Variants in ITPR2 observed in about 807,000 individuals in gnomAD.
ITPR2 encodes inositol 1,4,5-trisphosphate-gated calcium channel ITPR2.
In ITPR2, 207 loss-of-function variants were observed where a neutral mutation model predicts 317.1. That is an observed-to-expected ratio of 0.65 (90% CI 0.58 to 0.73). The LOEUF is 0.73. Ranked by LOEUF, ITPR2 falls within the 30% of genes least tolerant of loss-of-function variation. ITPR2 has a pLI of 0.00. For synonymous variants in ITPR2, 1,156 were observed against 1,149.1 expected (o/e 1.01, Z -0.12); for missense variants, 2,613 against 3,284.0 (o/e 0.80, Z 4.99).
chr12:26,363,852 G>A (rs753492907), intron 55 of ITPR2, among the ~76,000 whole-genome samples: 2 of 152,150 alleles, frequency 1.3e-5, no homozygotes, highest in African/African-American at 2.4e-5. Flanking sequence ...CTCGACTCAT[G>A]ATAAAGGAAA....
chr12:26,781,662 T>C (rs959733463), intron 2 of ITPR2, among the ~76,000 whole-genome samples: 1 of 152,040 alleles, frequency 6.6e-6, no homozygotes, highest in African/African-American at 2.4e-5. Context: ...TCAACTTGAT[T>C]GGATTAAAGT....
At chr12:26,445,343 G>C (rs1941583705) in intron 45 of ITPR2, among the ~76,000 whole-genome samples, 1 of 152,146 alleles carries the variant, frequency 6.6e-6, no homozygotes, top group Non-Finnish European at 1.5e-5. Flanking sequence ...GTCAGTGCTG[G>C]AGCTGTGCAT....
intron 1 of ITPR2, among the ~76,000 whole-genome samples, chr12:26,796,994 G>A (rs916146397): frequency 6.6e-6 from 1 of 152,000 alleles, no homozygotes; most frequent in Admixed American, 6.6e-5. Flanking sequence ...CTGATATCAC[G>A]CCACTGCCCT....
At chr12:26,495,952 T>C (rs957348364) in intron 37 of ITPR2, among the ~76,000 whole-genome samples, 18 of 152,352 alleles carry the variant, frequency 1.2e-4, no homozygotes, top group South Asian at 2.1e-4. Context: ...AGTGTATTCC[T>C]TTACAAATTA....
At chr12:26,340,549 G>C (rs539157861) in intron 55 of ITPR2, among the ~76,000 whole-genome samples, 1 of 152,154 alleles carries the variant, frequency 6.6e-6, no homozygotes, top group Admixed American at 6.5e-5. Flanking sequence ...GGGCTTCCAG[G>C]GAGGTTCCGG....
chr12:26,583,866 C>T (rs1360391759), intron 32 of ITPR2, among the ~76,000 whole-genome samples: 2 of 152,004 alleles, frequency 1.3e-5, no homozygotes, highest in Admixed American at 6.6e-5. Flanking sequence ...ACAACCAAGT[C>T]GACCATCACT....
intron 37 of ITPR2, among the ~76,000 whole-genome samples, chr12:26,544,567 GAC>G (rs35479352): frequency 3.7e-4 from 55 of 147,836 alleles, no homozygotes; most frequent in South Asian, 6.4e-4. Context: ...TTCACACATA[GAC>G]ACACACACAC....
intron 37 of ITPR2, among the ~76,000 whole-genome samples, chr12:26,527,284 T>C (rs1030501557): frequency 3.3e-5 from 5 of 152,246 alleles, no homozygotes; most frequent in Non-Finnish European, 7.3e-5. Flanking sequence ...AGACAACTTA[T>C]ACTTCTTGGT....
chr12:26,414,017 T>G (rs911606674), intron 51 of ITPR2, among the ~76,000 whole-genome samples: 1 of 146,198 alleles, frequency 6.8e-6, no homozygotes. Flanking sequence ...AATGTGGAGG[T>G]TTTGGGAAGC....
intron 42 of ITPR2, 126 bp from the exon 43 acceptor site, chr12:26,481,367 T>C (rs754414083): frequency 5.1e-5 from 30 of 591,692 alleles, no homozygotes; most frequent in Middle Eastern, 4.0e-4. Flanking sequence ...GATTTACCTT[T>C]GAGCATTTGA....
intron 47 of ITPR2, among the ~76,000 whole-genome samples, chr12:26,438,590 G>A (rs1451278353): frequency 6.6e-6 from 1 of 152,194 alleles, no homozygotes; most frequent in African/African-American, 2.4e-5. Context: ...ACTGTACTAA[G>A]CTGATTTTTA....
At chr12:26,341,712 T>G (rs1938118773) in intron 55 of ITPR2, among the ~76,000 whole-genome samples, 1 of 152,244 alleles carries the variant, frequency 6.6e-6, no homozygotes, top group African/African-American at 2.4e-5. Flanking sequence ...AGTCAATCCT[T>G]CAGCATCTAT....
chr12:26,422,017 G>GC (rs1555123338), intron 49 of ITPR2, among the ~76,000 whole-genome samples: 1 of 150,860 alleles, frequency 6.6e-6, no homozygotes, highest in Non-Finnish European at 1.5e-5. Context: ...ATGTTTGTTT[G>GC]TTAATTAGTG....
intron 45 of ITPR2, among the ~76,000 whole-genome samples, chr12:26,454,609 A>G (rs936114337): frequency 6.7e-6 from 1 of 149,440 alleles, no homozygotes; most frequent in Non-Finnish European, 1.5e-5. Context: ...GTTTCTGGTG[A>G]TTTTTTTTTT....
Position 26,715,429 on chromosome 12 carries a change from A to C in ITPR2, c.725T>G (p.Leu242Ter). The change falls in exon 8 of 57, where the codon TTA (leucine) becomes TGA (stop). Residue 242 changes from leucine to a stop codon, truncating the protein, a stop_gained. Transcript: ENST00000381340. LOFTEE classifies it high-confidence loss of function. ...AAACTTCTCTTGTTCCGCATGAAAT[A>C]ATCTAACAACGTCCCCCTAGCAAAA... ...DVLKGGDVVR[L>*]FHAEQEKFLT... is the part of the protein sequence containing the mutation. The C allele has an allele frequency of 6.2e-7, 1 of 1,613,178 alleles. No homozygotes were observed. The highest frequency in any genetic ancestry group is 8.5e-7 in the Non-Finnish European group (1 of 1,179,502).
At chr12:26,427,701 TACTTCTTA>T (rs1941102051) in intron 49 of ITPR2, among the ~76,000 whole-genome samples, 2 of 152,180 alleles carry the variant, frequency 1.3e-5, no homozygotes, top group South Asian at 4.1e-4. Context: ...CCCCAAATGT[TACTTCTTA>T]AATATAGCAA....
At chr12:26,811,982 C>T (rs190161076) in intron 1 of ITPR2, among the ~76,000 whole-genome samples, 1 of 150,676 alleles carries the variant, frequency 6.6e-6, no homozygotes, top group Admixed American at 6.6e-5. Flanking sequence ...GCCAACATGG[C>T]GAATCCCCAT....
intron 55 of ITPR2, among the ~76,000 whole-genome samples, chr12:26,371,622 G>A (rs917796384): frequency 6.6e-6 from 1 of 152,220 alleles, no homozygotes; most frequent in Admixed American, 6.5e-5. Context: ...CAGGTGAAGG[G>A]AACAGCAGAA....
At chr12:26,517,592 C>T (rs1943557734) in intron 37 of ITPR2, among the ~76,000 whole-genome samples, 1 of 152,332 alleles carries the variant, frequency 6.6e-6, no homozygotes, top group East Asian at 1.9e-4. Context: ...AATCCTAGCA[C>T]TTTGGGAGGC....
Sources: gnomAD v4.1 joint callset for allele counts (sites outside exome capture counted in the v4.1 genomes callset) on GRCh38, gnomAD v4.1.1 for gene constraint, MANE v1.5 for transcripts, NCBI Gene and HGNC (gene_info 2026-07-23, HGNC 2026-07-21) for gene names.